KCNQ1OT1: variants seen among roughly 807,000 people sequenced by gnomAD.
KCNQ1OT1 encodes the protein KCNQ1 opposite strand/antisense transcript 1, also known as KCNQ1 antisense RNA 2 (non-protein coding).
At position 2,671,005 on chromosome 11, in the gene KCNQ1OT1, C is replaced by T. The variant is rs1463145095; in HGVS notation, n.28990G>A. 3.3e-5 allele frequency: 13 copies of T among 398,454 alleles called. No homozygotes were observed. The highest frequency in any genetic ancestry group is 8.8e-5 in the Admixed American group (2 of 22,710). 24.7% of individuals were successfully genotyped at this position (398,454 alleles called of 1,614,324 possible). A position where few individuals can be genotyped will look rare whatever the true frequency, so the allele number is the denominator to read the frequency against. On this transcript the variant is annotated non_coding_transcript_exon_variant, in exon 1 of 1. Coordinates refer to ENST00000597346, the Ensembl canonical transcript of KCNQ1OT1. This position sits in a 1 kb window ranked among gnomAD's most constrained non-coding sequence, Gnocchi z 4.7. ...GCATTCATGCTTTAGATATGTGGGC[C>T]CTGTTAGGGACAACGTAGGTGTCCT...
chr11:2,622,782 C>T (rs1361412530), exon 1 of KCNQ1OT1: 2 of 398,416 alleles, frequency 5.0e-6, no homozygotes, highest in Non-Finnish European at 4.4e-6. Flanking sequence ...CAGAGATTTC[C>T]CGTATACCCA....
chr11:2,672,637 TG>T (rs1258755896), exon 1 of KCNQ1OT1: 1 of 398,518 alleles, frequency 2.5e-6, no homozygotes, highest in Non-Finnish European at 4.4e-6. Flanking sequence ...TCTGGGTAAA[TG>T]GAAGCACTGA....
chr11:2,635,394 A>G (rs1289315238), exon 1 of KCNQ1OT1: 1 of 152,140 alleles, frequency 6.6e-6, no homozygotes, highest in Non-Finnish European at 1.5e-5. Context: ...TCAGCTTTCT[A>G]CATATGGCTA....
At chr11:2,625,524 C>T in exon 1 of KCNQ1OT1, 1 of 396,932 alleles carries the variant, frequency 2.5e-6, no homozygotes, top group South Asian at 1.3e-4. Flanking sequence ...TTTTCACGTA[C>T]TATTATCCAT....
At position 2,698,301 on chromosome 11, in the gene KCNQ1OT1, C is replaced by G. The variant is rs995652324; in HGVS notation, n.1694G>C. 7.8e-5 allele frequency: 31 copies of G among 398,512 alleles called. No homozygotes were observed. Among genetic ancestry groups the G allele is most frequent in the African/African-American group, 6.2e-4 (30 of 48,626 alleles). 24.7% of individuals were successfully genotyped at this position (398,512 alleles called of 1,614,324 possible). On this transcript the variant is annotated non_coding_transcript_exon_variant, in exon 1 of 1. Coordinates refer to ENST00000597346, the Ensembl canonical transcript of KCNQ1OT1. This position sits in a 1 kb window ranked among gnomAD's most constrained non-coding sequence, Gnocchi z 5.1. ...CTATTCTACCTGGATGAATTATTCT[C>G]TTTCATAACCAGAACAGTGCTGTGG...
rs752267516 is a variant in KCNQ1OT1, at chr11:2,669,167, G to C, written n.30828C>G. 1 of 398,530 alleles carries C rather than the reference G, an allele frequency of 2.5e-6. No homozygotes were observed. The highest frequency in any genetic ancestry group is 4.4e-6 in the Non-Finnish European group (1 of 226,102). The allele number at this position is 398,530 out of a possible 1,614,324, so 24.7% of individuals were successfully genotyped here. On this transcript the variant is annotated non_coding_transcript_exon_variant, in exon 1 of 1. Transcript: ENST00000597346. The surrounding 1 kb of genome is among the most constrained non-coding windows in gnomAD (Gnocchi z 5.6). ...ACTGGTCAGATTCAAGTTGTTCTTT[G>C]TGGCCAGGACCTTGCTTCCTTCTCA...
exon 1 of KCNQ1OT1, chr11:2,648,304 T>G (rs964653040): frequency 5.0e-6 from 2 of 398,504 alleles, no homozygotes; most frequent in Admixed American, 8.8e-5. Flanking sequence ...ATTTATTTCC[T>G]TCTAATTTTA....
exon 1 of KCNQ1OT1, chr11:2,686,579 A>G: frequency 2.5e-6 from 1 of 398,702 alleles, no homozygotes; most frequent in Non-Finnish European, 4.4e-6. Context: ...TGTGGTGACT[A>G]GAATGGCAGC....
In KCNQ1OT1 at chr11:2,664,973, C is replaced by A. The variant is rs1850037963; in HGVS notation, n.35022G>T. On this transcript the variant is annotated non_coding_transcript_exon_variant, in exon 1 of 1. Coordinates refer to ENST00000597346, the Ensembl canonical transcript of KCNQ1OT1. This position sits in a 1 kb window ranked among gnomAD's most constrained non-coding sequence, Gnocchi z 5.1. ...CTATAGCCTTGATTACGGGAAGGTC[C>A]CTGGGGCTGGGCGAAGCTCCTCTTT... The A allele has an allele frequency of 2.5e-6, 1 of 398,466 alleles. No individual in the cohort carries two copies. Among genetic ancestry groups the A allele is most frequent in the Non-Finnish European group, 4.4e-6 (1 of 226,114 alleles). 24.7% of individuals were successfully genotyped at this position (398,466 alleles called of 1,614,324 possible).
chr11:2,681,841 C>T, exon 1 of KCNQ1OT1: 1 of 398,572 alleles, frequency 2.5e-6, no homozygotes, highest in South Asian at 1.3e-4. Context: ...GCTCCCCAAA[C>T]ATCAAGGTAC....
chr11:2,626,684 A>G lies in KCNQ1OT1; in HGVS notation n.73311T>C. On this transcript the variant is annotated non_coding_transcript_exon_variant, in exon 1 of 1. Coordinates refer to ENST00000597346, the Ensembl canonical transcript of KCNQ1OT1. This position sits in a 1 kb window ranked among gnomAD's most constrained non-coding sequence, Gnocchi z 4.0. Reference sequence around the variant, plus strand: ...GCTGGGAATAGAAGTGTGTACCATTACACCTGGCCAATTATTTTATTTTTT... The same window carrying G: ...GCTGGGAATAGAAGTGTGTACCATTGCACCTGGCCAATTATTTTATTTTTT... 7.5e-6 allele frequency: 3 copies of G among 397,912 alleles called. No individual in the cohort carries two copies. The highest frequency in any genetic ancestry group is 1.3e-5 in the Non-Finnish European group (3 of 226,012). 24.6% of individuals were successfully genotyped at this position (397,912 alleles called of 1,614,324 possible). A position where few individuals can be genotyped will look rare whatever the true frequency, so the allele number is the denominator to read the frequency against.
rs1850501727 is a variant in KCNQ1OT1, at chr11:2,687,045, C to T, written n.12950G>A. On this transcript the variant is annotated non_coding_transcript_exon_variant, in exon 1 of 1. Transcript: ENST00000597346. This position sits in a 1 kb window ranked among gnomAD's most constrained non-coding sequence, Gnocchi z 5.0. ...GGGCTAAAACTCAGCAGTCCCAGCT[C>T]TGGGGGACAAGGACCCACAAAGTGA... The T allele has an allele frequency of 2.5e-6, 1 of 398,528 alleles. No homozygotes were observed. The highest frequency in any genetic ancestry group is 1.3e-4 in the South Asian group (1 of 7,842). 24.7% of individuals were successfully genotyped at this position (398,528 alleles called of 1,614,324 possible).
At chr11:2,662,092 A>G in exon 1 of KCNQ1OT1, 1 of 1,614,146 alleles carries the variant, frequency 6.2e-7, no homozygotes, top group Non-Finnish European at 8.5e-7. Context: ...GTGAGTGCCT[A>G]CATGTGCGTG....
Position 2,690,960 on chromosome 11 carries a change from G to A in KCNQ1OT1, n.9035C>T, listed in dbSNP as rs554800322. ...TGAAAGGTTCATTTGGGAGTCACGG[G>A]TATGTGTCAACAAAAGCCCACCAGA... is the stretch of plus-strand genomic sequence containing the variant. On this transcript the variant is annotated non_coding_transcript_exon_variant, in exon 1 of 1. Transcript: ENST00000597346. The surrounding 1 kb of genome is among the most constrained non-coding windows in gnomAD (Gnocchi z 5.1). 1 of 398,666 alleles carries A rather than the reference G, an allele frequency of 2.5e-6. No homozygotes were observed. The allele number at this position is 398,666 out of a possible 1,614,324, so 24.7% of individuals were successfully genotyped here.
At chr11:2,618,204 T>G (rs960029821) in exon 1 of KCNQ1OT1, 5 of 398,578 alleles carry the variant, frequency 1.3e-5, no homozygotes, top group Non-Finnish European at 1.8e-5. Flanking sequence ...ATGTATGGTG[T>G]AAGGCAGCGA....
exon 1 of KCNQ1OT1, chr11:2,693,447 G>A (rs950923499): frequency 7.5e-6 from 3 of 398,678 alleles, no homozygotes; most frequent in Admixed American, 8.8e-5. Context: ...GCCCCCCATC[G>A]AGTCCCCATT....
chr11:2,692,997 TAAGC>T (rs1850613572), exon 1 of KCNQ1OT1: 2 of 398,434 alleles, frequency 5.0e-6, no homozygotes. Flanking sequence ...AGAAGCCTCA[TAAGC>T]AAGCACGCTC....
chr11:2,615,916 G>A (rs1024717001), exon 1 of KCNQ1OT1: 3 of 397,918 alleles, frequency 7.5e-6, no homozygotes, highest in African/African-American at 4.1e-5. Context: ...CTGTTTTTTG[G>A]AAGAGTTTGA....
rs930667142 is a variant in KCNQ1OT1, at chr11:2,688,199, G to C, written n.11796C>G. ...GCTCCCAAGCAAGGGGGCAGGAGGG[G>C]CTGCACTGAGCCCACCAAAGGTTGT... On this transcript the variant is annotated non_coding_transcript_exon_variant, in exon 1 of 1. Transcript: ENST00000597346. 6.0e-5 allele frequency: 24 copies of C among 398,692 alleles called. No homozygotes were observed. The Admixed American group carries it at 1.0e-3, about 17-fold the overall frequency. 24.7% of individuals were successfully genotyped at this position (398,692 alleles called of 1,614,324 possible). A position where few individuals can be genotyped will look rare whatever the true frequency, so the allele number is the denominator to read the frequency against.
Sources: gnomAD v4.1 joint callset for allele counts on GRCh38, gnomAD v4.1.1 for gene constraint, Gnocchi (gnomAD v3.1) non-coding constraint, MANE v1.5 for transcripts, NCBI Gene and HGNC (gene_info 2026-07-23, HGNC 2026-07-21) for gene names.